ANKRD11: variants seen among roughly 807,000 people sequenced by gnomAD.
ANKRD11 encodes ankyrin repeat domain 11.
Under a neutral mutation model 195.7 loss-of-function variants are expected in ANKRD11, and 17 were observed. The ratio of observed to expected loss-of-function variants is 0.09; its 90% confidence interval spans 0.06 to 0.13. The LOEUF (loss-of-function observed/expected upper bound fraction) is 0.13. Ranked by LOEUF, ANKRD11 falls within the 10% of genes least tolerant of loss-of-function variation. The probability of loss-of-function intolerance (pLI) is 1.00; values close to 1 mark genes in which losing one functional copy is unlikely to be tolerated. For missense variants in ANKRD11, 3,735 were observed against 3,566.1 expected (o/e 1.05, Z -1.21); for synonymous variants, 1,953 against 1,528.1 (o/e 1.28, Z -6.49).
chr16:89,335,199 C>A (rs932022519), intron 2 of ANKRD11, among the ~76,000 whole-genome samples: 22 of 152,170 alleles, frequency 1.4e-4, no homozygotes, highest in African/African-American at 5.3e-4. Flanking sequence ...TGCGTGCCTT[C>A]CCCATTGTCC....
At chr16:89,393,585 G>A (rs989552251) in intron 2 of ANKRD11, among the ~76,000 whole-genome samples, 1 of 145,558 alleles carries the variant, frequency 6.9e-6, no homozygotes, top group Non-Finnish European at 1.5e-5. Context: ...AGAGTGATTT[G>A]CCCGCCTCAG....
At chr16:89,351,097 T>G (rs2039194299) in intron 2 of ANKRD11, among the ~76,000 whole-genome samples, 1 of 152,216 alleles carries the variant, frequency 6.6e-6, no homozygotes, top group Non-Finnish European at 1.5e-5. Flanking sequence ...ATTTAAACTG[T>G]ACCTCAAAGA....
chr16:89,292,767 C>T (rs2151804624), intron 4 of ANKRD11, among the ~76,000 whole-genome samples: 1 of 152,378 alleles, frequency 6.6e-6, no homozygotes, highest in East Asian at 1.9e-4. Context: ...GCCTCGCCAC[C>T]GGCCAATGAG....
chr16:89,418,259 G>A, intron 2 of ANKRD11, 25 bp downstream of exon 2: 1 of 452,866 alleles, frequency 2.2e-6, no homozygotes, highest in Non-Finnish European at 4.4e-6. Flanking sequence ...AACATAAATT[G>A]ATAGAGAATG....
Position 89,280,937 on chromosome 16 carries a change from G to C in ANKRD11, c.5605C>G (p.Pro1869Ala). The change falls in exon 9 of 13, where the codon CCG becomes GCG. Residue 1869 changes from proline (P) to alanine (A), a missense_variant. Physicochemically the swap from Pro to Ala is conservative, Grantham distance 27. Transcript: ENST00000301030. The part of the protein sequence containing the change: ...SPKVDALHCP[P>A]AAVVTVTPSP... ...GGGGTGACAGTGACAACGGCAGCCG[G>C]TGGGCAGTGCAAAGCGTCGACTTTG... The C allele has an allele frequency of 6.3e-7, 1 of 1,590,692 alleles. No homozygotes were observed. The highest frequency in any genetic ancestry group is 8.6e-7 in the Non-Finnish European group (1 of 1,165,506).
chr16:89,463,241 G>C (rs887219350), intron 1 of ANKRD11, among the ~76,000 whole-genome samples: 6 of 152,244 alleles, frequency 3.9e-5, no homozygotes, highest in African/African-American at 1.4e-4. Context: ...AGCGGGGAAA[G>C]GTGGGGAAAA....
Position 89,445,772 on chromosome 16 carries a change from C to T in ANKRD11, c.-144-27404G>A, listed in dbSNP as rs186130002. On this transcript the variant is annotated intron_variant, in intron 1 of 12. Coordinates refer to ENST00000301030, the MANE Select transcript of ANKRD11 (RefSeq NM_013275.6). ...GGCAGATCACCTGAGGTCAGGAGTT[C>T]GAGACCAGCCTGACCCACATGGAGA... Among the ~76,000 whole-genome samples the T allele has an allele frequency of 2.4e-3, 367 of 152,030 alleles. 2 individuals are homozygous for T. Among genetic ancestry groups the T allele is most frequent in the Middle Eastern group, 3.4e-3 (1 of 294 alleles).
At chr16:89,271,021 G>A in intron 11 of ANKRD11, 112 bp from the exon 12 acceptor site, 1 of 973,104 alleles carries the variant, frequency 1.0e-6, no homozygotes. Flanking sequence ...ACCACAGGGG[G>A]AGCCTCATTC....
chr16:89,427,102 G>C (rs945239127), intron 1 of ANKRD11, among the ~76,000 whole-genome samples: 15 of 152,132 alleles, frequency 9.9e-5, no homozygotes, highest in African/African-American at 3.6e-4. Context: ...ACAAAAGTCA[G>C]CTGTATCATC....
chr16:89,368,380 T>G (rs969692641), intron 2 of ANKRD11, among the ~76,000 whole-genome samples: 32 of 130,730 alleles, frequency 2.4e-4, no homozygotes, highest in Non-Finnish European at 3.1e-4. Flanking sequence ...TGTTTTTTTT[T>G]TTTTTTTTTT....
intron 1 of ANKRD11, among the ~76,000 whole-genome samples, chr16:89,475,884 T>C (rs2057241256): frequency 6.6e-6 from 1 of 151,856 alleles, no homozygotes; most frequent in Non-Finnish European, 1.5e-5. Context: ...ACCCTGTCTC[T>C]ACTAAAAAAA....
chr16:89,431,891 C>T (rs988886154), intron 1 of ANKRD11, among the ~76,000 whole-genome samples: 1 of 152,142 alleles, frequency 6.6e-6, no homozygotes, highest in Non-Finnish European at 1.5e-5. Context: ...TGCCTTGCTG[C>T]AGGGCACCAC....
chr16:89,274,267 G>A (rs1286502035), intron 11 of ANKRD11, among the ~76,000 whole-genome samples: 2 of 152,222 alleles, frequency 1.3e-5, no homozygotes, highest in Admixed American at 6.5e-5. Flanking sequence ...CCCCACAGCA[G>A]ATGGGCAGGA....
chr16:89,399,023 CTG>C (rs879306839), intron 2 of ANKRD11, among the ~76,000 whole-genome samples: 1 of 152,208 alleles, frequency 6.6e-6, no homozygotes, highest in Non-Finnish European at 1.5e-5. Context: ...GCTCCATGCT[CTG>C]TGAGACGCAG....
chr16:89,456,009 C>T (rs901337162), intron 1 of ANKRD11, among the ~76,000 whole-genome samples: 20 of 152,026 alleles, frequency 1.3e-4, no homozygotes, highest in African/African-American at 4.8e-4. Flanking sequence ...GAGGCTGAAG[C>T]TGGCCAATCA....
chr16:89,321,388 G>A (rs1321221217), intron 2 of ANKRD11, among the ~76,000 whole-genome samples: 1 of 151,024 alleles, frequency 6.6e-6, no homozygotes, highest in East Asian at 2.0e-4. Context: ...CAGGACTGGG[G>A]CTGCAGGGCG....
chr16:89,460,319 T>G (rs1318283868), intron 1 of ANKRD11, among the ~76,000 whole-genome samples: 1 of 151,806 alleles, frequency 6.6e-6, no homozygotes, highest in African/African-American at 2.4e-5. Context: ...ATAAAAATAA[T>G]AAGTGTATCC....
chr16:89,377,343 G>A (rs147584967), intron 2 of ANKRD11, among the ~76,000 whole-genome samples: 1 of 152,118 alleles, frequency 6.6e-6, no homozygotes, highest in South Asian at 2.1e-4. Context: ...TATAGAGAAA[G>A]CCATGAAAGC....
chr16:89,432,673 G>A (rs146900111), intron 1 of ANKRD11, among the ~76,000 whole-genome samples: 2 of 151,934 alleles, frequency 1.3e-5, no homozygotes, highest in East Asian at 1.9e-4. Flanking sequence ...CACCATACCC[G>A]AGACCTTACC....
Sources: gnomAD v4.1 joint callset for allele counts (sites outside exome capture counted in the v4.1 genomes callset) on GRCh38, gnomAD v4.1.1 for gene constraint, MANE v1.5 for transcripts, NCBI Gene and HGNC (gene_info 2026-07-23, HGNC 2026-07-21) for gene names.